The following DCUN1D2 variants were observed in gnomAD, a reference collection of about 807,000 sequenced individuals.
DCUN1D2 encodes defective in cullin neddylation 1 domain containing 2.
A neutral mutation model predicts 30.9 loss-of-function variants in DCUN1D2; 29 were observed. The observed-to-expected ratio is 0.94, with a 90% confidence interval of 0.70 to 1.28. The LOEUF (loss-of-function observed/expected upper bound fraction) is 1.28. Among genes scored for constraint, DCUN1D2 ranks in the 50% most tolerant of loss-of-function variants. The pLI is 0.00. For missense variants in DCUN1D2, 325 were observed against 316.9 expected, an observed-to-expected ratio of 1.03 and a Z score of -0.19; for synonymous variants, 121 against 115.3, an observed-to-expected ratio of 1.05 and a Z score of -0.32.
chr13:113,484,658 G>T (rs941061707), intron 1 of DCUN1D2, among the ~76,000 whole-genome samples: 14 of 152,144 alleles, frequency 9.2e-5, no homozygotes, highest in Non-Finnish European at 2.1e-4. Flanking sequence ...CTGTATACCA[G>T]ACAGAAATAA....
chr13:113,479,236 C>T (rs1004733293), intron 3 of DCUN1D2, among the ~76,000 whole-genome samples: 4 of 152,168 alleles, frequency 2.6e-5, no homozygotes, highest in African/African-American at 9.7e-5. Flanking sequence ...GAAAATTCCT[C>T]ACTTTGATCA....
In DCUN1D2 at chr13:113,483,904, G is replaced by A; in HGVS notation, c.156C>T (p.His52=). ...CCACAGCGTTCCGCATGGACTCCCT[G>A]TGGAGCGAGTCTGGGTTTTGGAAGA... ...DSFFQNPDSL[H]RESMRNAVDK... The change falls in exon 2 of 7, where the codon CAC becomes CAT. Residue 52 remains histidine (H), a synonymous_variant. Transcript: ENST00000478244. The A allele has an allele frequency of 6.2e-7, 1 of 1,613,890 alleles. No individual in the cohort carries two copies.
intron 4 of DCUN1D2, among the ~76,000 whole-genome samples, chr13:113,470,767 A>G (rs1207777659): frequency 1.1e-4 from 15 of 135,422 alleles, no homozygotes; most frequent in African/African-American, 2.8e-4. Context: ...ACTCCACAGA[A>G]GACACAACTC....
Position 113,483,932 on chromosome 13 carries a change from C to G in DCUN1D2, c.128G>C (p.Ser43Thr), listed in dbSNP as rs551135861. 5.6e-6 allele frequency: 9 copies of G among 1,614,016 alleles called. No individual in the cohort carries two copies. Among genetic ancestry groups the G allele is most frequent in the African/African-American group, 1.3e-5 (1 of 74,958 alleles). The change falls in exon 2 of 7, where the codon AGC becomes ACC. Residue 43 changes from serine to threonine, a missense_variant. Physicochemically the swap from Ser to Thr is moderately conservative, Grantham distance 58. Coordinates refer to ENST00000478244, the MANE Select transcript of DCUN1D2 (RefSeq NM_001014283.2). ...NEWRLDEATD[S>T]FFQNPDSLHR... ...GAGCGAGTCTGGGTTTTGGAAGAAGCTGTCCGTGGCCTCGTCTAGTCTCCA... is the reference window on the plus strand; with the variant it reads ...GAGCGAGTCTGGGTTTTGGAAGAAGGTGTCCGTGGCCTCGTCTAGTCTCCA...
At chr13:113,480,936 C>T (rs760932843) in intron 2 of DCUN1D2, among the ~76,000 whole-genome samples, 193 bp from the exon 3 acceptor site, 1 of 150,384 alleles carries the variant, frequency 6.6e-6, no homozygotes, top group African/African-American at 2.5e-5. Flanking sequence ...ATCCAGAAAA[C>T]GGTCCTATTT....
chr13:113,478,621 T>C (rs2044656865), intron 3 of DCUN1D2, among the ~76,000 whole-genome samples: 5 of 152,206 alleles, frequency 3.3e-5, no homozygotes, highest in Admixed American at 1.3e-4. Context: ...TTTAATAAGC[T>C]GAATTCTACA....
chr13:113,484,609 G>T (rs991643055), intron 1 of DCUN1D2, among the ~76,000 whole-genome samples: 2 of 152,072 alleles, frequency 1.3e-5, no homozygotes, highest in African/African-American at 2.4e-5. Flanking sequence ...AACCTGTTAT[G>T]ATTAAATGGA....
chr13:113,459,150 C>G (rs551306118), intron 6 of DCUN1D2, among the ~76,000 whole-genome samples, 162 bp downstream of exon 6: 1 of 152,110 alleles, frequency 6.6e-6, no homozygotes, highest in Non-Finnish European at 1.5e-5. Context: ...AAATATAAAA[C>G]CCTATTTTTC....
rs1236368193 is a variant in DCUN1D2 at position 113,457,948 on chromosome 13, G to A, written c.*81C>T. ...GTCAAGAATGACTTCTGGAATCAGC[G>A]ACAATGCACCCAGGAACTGACTGCA... On this transcript the variant is annotated 3_prime_UTR_variant, in exon 7 of 7. Coordinates refer to ENST00000478244, the MANE Select transcript of DCUN1D2 (RefSeq NM_001014283.2). 2.3e-6 allele frequency: 3 copies of A among 1,299,660 alleles called. No homozygotes were observed. The highest frequency in any genetic ancestry group is 1.7e-5 in the Admixed American group (1 of 58,104). The allele number at this position is 1,299,660 out of a possible 1,614,324, so 80.5% of individuals were successfully genotyped here.
At position 113,488,010 on chromosome 13, in the gene DCUN1D2, G is replaced by C. The variant is rs1052936097; in HGVS notation, c.3+2657C>G. Among the ~76,000 whole-genome samples, 2 of 152,156 alleles carry C rather than the reference G, an allele frequency of 1.3e-5. No homozygotes were observed. The highest frequency in any genetic ancestry group is 2.4e-5 in the African/African-American group (1 of 41,440). ...AAATCTGGAAGATATGATGGTGTCT[G>C]ATCTTGAGCTCCTGCCGATAACCCC... On this transcript the variant is annotated intron_variant, in intron 1 of 6. Coordinates refer to ENST00000478244, the MANE Select transcript of DCUN1D2 (RefSeq NM_001014283.2). The surrounding 1 kb of genome is among the most constrained non-coding windows in gnomAD (Gnocchi z 4.3).
At chr13:113,466,299 AG>A (rs1440844076) in intron 4 of DCUN1D2, among the ~76,000 whole-genome samples, 1 of 152,260 alleles carries the variant, frequency 6.6e-6, no homozygotes. Flanking sequence ...TTAGCCTCTT[AG>A]AAAGAAATAG....
At chr13:113,459,817 CATA>C (rs2044289354) in intron 5 of DCUN1D2, among the ~76,000 whole-genome samples, 1 of 152,164 alleles carries the variant, frequency 6.6e-6, no homozygotes, top group African/African-American at 2.4e-5. Flanking sequence ...TCCCACTCAG[CATA>C]ATGTCTGAAA....
intron 1 of DCUN1D2, among the ~76,000 whole-genome samples, chr13:113,484,438 T>G (rs1444398741): frequency 6.6e-6 from 1 of 152,228 alleles, no homozygotes; most frequent in East Asian, 1.9e-4. Flanking sequence ...TCTTCTTTGG[T>G]TTCAATAAAG....
chr13:113,486,922 A>G (rs1303996282), intron 1 of DCUN1D2, among the ~76,000 whole-genome samples: 1 of 152,250 alleles, frequency 6.6e-6, no homozygotes. Flanking sequence ...CTGTGTTCCA[A>G]TAAAACTCAA....
Position 113,490,615 on chromosome 13 carries a change from G to GCCCGACCCCGAC in DCUN1D2, c.3+40_3+51dup, listed in dbSNP as rs576100620. The GCCCGACCCCGAC allele has an allele frequency of 9.0e-6, 11 of 1,221,032 alleles. No homozygotes were observed. Among genetic ancestry groups the GCCCGACCCCGAC allele is most frequent in the African/African-American group, 6.4e-5 (4 of 62,948 alleles). The allele number at this position is 1,221,032 out of a possible 1,614,324, so 75.6% of individuals were successfully genotyped here. ...GCGCGCCGCCTGCGCCGACCTTGGG[G>GCCCGACCCCGAC]CCCGACCCCGACCCCGACCCCGACG... On this transcript the variant is annotated intron_variant, in intron 1 of 6. Coordinates refer to ENST00000478244, the MANE Select transcript of DCUN1D2 (RefSeq NM_001014283.2). The surrounding 1 kb of genome is among the most constrained non-coding windows in gnomAD (Gnocchi z 5.2).
At chr13:113,476,660 ACT>A (rs1428290898) in intron 3 of DCUN1D2, among the ~76,000 whole-genome samples, 2 of 151,954 alleles carry the variant, frequency 1.3e-5, no homozygotes, top group Non-Finnish European at 2.9e-5. Context: ...ACTATAATAC[ACT>A]CTATCGGCAT....
At position 113,484,030 on chromosome 13, in the gene DCUN1D2, G is replaced by C; in HGVS notation, c.30C>G (p.Asp10Glu). 6.2e-7 allele frequency: 1 copy of C among 1,614,024 alleles called. No homozygotes were observed. Among genetic ancestry groups the C allele is most frequent in the Non-Finnish European group, 8.5e-7 (1 of 1,180,036 alleles). Residue 10 changes from aspartate to glutamate, a missense_variant, in exon 2 of 7, where the codon GAC becomes GAG. Asp to Glu is a conservative substitution (Grantham distance 45, BLOSUM62 2). Coordinates refer to ENST00000478244, the MANE Select transcript of DCUN1D2 (RefSeq NM_001014283.2). ...TGCACGCCATAAACTGGCGGACCTT[G>C]TCCTTCTGAGACGATTTAAGCTTAT... MHKLKSSQK[D>E]KVRQFMACTQ...
intron 3 of DCUN1D2, among the ~76,000 whole-genome samples, chr13:113,474,482 T>C (rs1013288265): frequency 6.6e-6 from 1 of 152,232 alleles, no homozygotes; most frequent in East Asian, 1.9e-4. Context: ...AGACAGATAC[T>C]GGTGGCAGCC....
chr13:113,483,719 G>T, intron 2 of DCUN1D2, 121 bp downstream of exon 2: 1 of 907,756 alleles, frequency 1.1e-6, no homozygotes, highest in East Asian at 2.4e-5. Context: ...AGCGCTGAGC[G>T]TGGGGAGGAG....
Sources: gnomAD v4.1 joint callset for allele counts (sites outside exome capture counted in the v4.1 genomes callset) on GRCh38, gnomAD v4.1.1 for gene constraint, Gnocchi (gnomAD v3.1) non-coding constraint, MANE v1.5 for transcripts, NCBI Gene and HGNC (gene_info 2026-07-23, HGNC 2026-07-21) for gene names.